RORA: variants seen among roughly 807,000 people sequenced by gnomAD.
RORA encodes RAR related orphan receptor A, also known as nuclear receptor ROR-alpha.
Under a neutral mutation model 69.5 loss-of-function variants are expected in RORA, and 7 were observed. The ratio of observed to expected loss-of-function variants is 0.10; its 90% CI spans 0.06 to 0.19. The LOEUF is 0.19. Among genes scored for constraint, RORA ranks in the 10% least tolerant of loss-of-function variants. The pLI, the probability that RORA is intolerant of heterozygous loss-of-function variation, is 1.00. For synonymous variants in RORA, 261 were observed against 240.8 expected (o/e 1.08, Z -0.78); for missense variants, 457 against 663.0 (o/e 0.69, Z 3.41).
At chr15:61,161,051 C>T (rs528438754) in intron 1 of RORA, among the ~76,000 whole-genome samples, 3 of 152,026 alleles carry the variant, frequency 2.0e-5, no homozygotes, top group African/African-American at 4.8e-5. Context: ...ATTTGGGAGG[C>T]GGAGGGGGTC....
chr15:61,021,727 C>A (rs1895534664), intron 1 of RORA, among the ~76,000 whole-genome samples: 1 of 152,156 alleles, frequency 6.6e-6, no homozygotes, highest in Non-Finnish European at 1.5e-5. Flanking sequence ...ATGGTGAGGG[C>A]AATGATATAA....
rs1596088761 is a variant in RORA, at chr15:61,229,155, C to G, written c.64G>C (p.Ala22Pro). The change falls in exon 1 of 11, where the codon GCG becomes CCG. Residue 22 changes from alanine (A) to proline (P), a missense_variant. By Grantham distance (27) the Ala-to-Pro change is conservative (BLOSUM62 -1). Around this residue, in one of 3 missense-constraint regions of RORA, gnomAD observed 119 missense variants for 92.4 expected, o/e 1.29. Coordinates refer to ENST00000335670, the MANE Select transcript of RORA (RefSeq NM_134261.3). ...GGGGTCTCCCTGGAGCCGGCGGCCGCGTCCGCGCCGCTGCTGCCTGGCTCG... is the reference window on the plus strand; with the variant it reads ...GGGGTCTCCCTGGAGCCGGCGGCCGGGTCCGCGCCGCTGCTGCCTGGCTCG... ...ASEPGSSGADAAAGSRETPLN... is the reference protein window; with the variant it reads ...ASEPGSSGADPAAGSRETPLN... 6.5e-7 allele frequency: 1 copy of G among 1,546,764 alleles called. No individual in the cohort carries two copies. The highest frequency in any genetic ancestry group is 8.7e-7 in the Non-Finnish European group (1 of 1,146,732).
chr15:60,503,744 G>A, intron 6 of RORA, 77 bp from the exon 7 acceptor site: 6 of 1,562,100 alleles, frequency 3.8e-6, no homozygotes, highest in Non-Finnish European at 5.2e-6. Context: ...AGTTATGAAA[G>A]CAAAGCATGC....
chr15:60,869,631 C>G (rs2073530724), intron 1 of RORA, among the ~76,000 whole-genome samples: 1 of 152,202 alleles, frequency 6.6e-6, no homozygotes, highest in Non-Finnish European at 1.5e-5. Context: ...GTATTATAAA[C>G]ATTTGTTAAA....
rs888869577 is a variant in RORA at position 61,036,036 on chromosome 15, A to G, written c.166+193017T>C. On this transcript the variant is annotated intron_variant, in intron 1 of 10. Coordinates refer to ENST00000335670, the MANE Select transcript of RORA (RefSeq NM_134261.3). Reference sequence around the variant, plus strand: ...CAGATGAGCTTTCAAGAGACAGTCTATGCCTTTCAGAGTAGTTTAGGAAAA... The same window carrying G: ...CAGATGAGCTTTCAAGAGACAGTCTGTGCCTTTCAGAGTAGTTTAGGAAAA... Among the ~76,000 whole-genome samples the G allele has an allele frequency of 2.6e-5, 4 of 152,340 alleles. No individual in the cohort carries two copies. In the South Asian group the frequency reaches 8.3e-4, roughly 32 times the overall value.
At chr15:60,823,070 C>CCCTTCCTT (rs200918597) in intron 1 of RORA, among the ~76,000 whole-genome samples, 2 of 135,676 alleles carry the variant, frequency 1.5e-5, no homozygotes, top group East Asian at 4.6e-4. Flanking sequence ...TCCCCTCCCT[C>CCCTTCCTT]CCTTCCTTCC....
intron 1 of RORA, among the ~76,000 whole-genome samples, chr15:60,707,334 T>C (rs1448376194): frequency 7.3e-6 from 1 of 136,080 alleles, no homozygotes; most frequent in South Asian, 2.5e-4. Flanking sequence ...TATTTCTTTA[T>C]TTTATTTATT....
intron 2 of RORA, among the ~76,000 whole-genome samples, chr15:60,544,426 C>T (rs1217046111): frequency 6.6e-6 from 1 of 152,094 alleles, no homozygotes; most frequent in Admixed American, 6.5e-5. Flanking sequence ...AAAGTTCTGG[C>T]AGCTAGAACA....
chr15:60,659,482 A>G (rs1243264926), intron 2 of RORA, among the ~76,000 whole-genome samples: 1 of 152,212 alleles, frequency 6.6e-6, no homozygotes, highest in Non-Finnish European at 1.5e-5. Flanking sequence ...TAATGCTTGC[A>G]CCTTTTCGCT....
At chr15:61,186,835 G>GCCCTGCTTT (rs1386503583) in intron 1 of RORA, among the ~76,000 whole-genome samples, 1 of 152,142 alleles carries the variant, frequency 6.6e-6, no homozygotes, top group Non-Finnish European at 1.5e-5. Flanking sequence ...TGCCCTGCTT[G>GCCCTGCTTT]CCCTTCGGGC....
At chr15:60,803,857 G>A (rs542383295) in intron 1 of RORA, among the ~76,000 whole-genome samples, 3 of 152,206 alleles carry the variant, frequency 2.0e-5, no homozygotes, top group Non-Finnish European at 4.4e-5. Context: ...ATGGAGAATC[G>A]GTACTTACAC....
At chr15:60,506,343 AC>A (rs1179981552) in intron 5 of RORA, among the ~76,000 whole-genome samples, 1 of 152,186 alleles carries the variant, frequency 6.6e-6, no homozygotes, top group Non-Finnish European at 1.5e-5. Flanking sequence ...GGGGAGGATT[AC>A]TTAGAATGTG....
chr15:60,956,657 T>C (rs1314615458), intron 1 of RORA, among the ~76,000 whole-genome samples: 2 of 152,270 alleles, frequency 1.3e-5, no homozygotes, highest in Non-Finnish European at 2.9e-5. Flanking sequence ...CTTAGCAGTA[T>C]ATTAGTTTGT....
intron 1 of RORA, among the ~76,000 whole-genome samples, chr15:60,756,191 A>G (rs953557990): frequency 2.6e-5 from 4 of 152,216 alleles, no homozygotes; most frequent in Admixed American, 6.5e-5. Flanking sequence ...GAATAATTAC[A>G]TATGGTTTTC....
In RORA at chr15:60,556,040, GT is replaced by G. The variant is rs535348636; in HGVS notation, c.197-24190del. On this transcript the variant is annotated intron_variant, in intron 2 of 10. Transcript: ENST00000335670. The stretch of plus-strand genomic sequence containing the variant: ...GGACTTTGCTGACCTATTTTCTGCT[GT>G]TTCTTTCTGTTACACAAATCTCCCC... 7.4e-3 allele frequency among the ~76,000 whole-genome samples: 1,123 copies of G among 152,206 alleles called. 11 individuals carry two copies. The highest frequency in any genetic ancestry group is 0.011 in the Non-Finnish European group (766 of 68,018).
At position 60,872,296 on chromosome 15, in the gene RORA, G is replaced by A. The variant is rs2073566196; in HGVS notation, c.167-193610C>T. Among the ~76,000 whole-genome samples the A allele has an allele frequency of 1.3e-5, 2 of 152,176 alleles. 1 individual carries two copies. Among genetic ancestry groups the A allele is most frequent in the South Asian group, 4.1e-4 (2 of 4,830 alleles). On this transcript the variant is annotated intron_variant, in intron 1 of 10. Transcript: ENST00000335670. ...AGATCATATACAAAGATGCTCTGGA[G>A]AATGCAATGAAAACCTAAAAGGATA...
At chr15:60,499,064 G>A (rs1351730598) in intron 10 of RORA, among the ~76,000 whole-genome samples, 1 of 152,164 alleles carries the variant, frequency 6.6e-6, no homozygotes, top group African/African-American at 2.4e-5. Context: ...GAAAGATAAT[G>A]ATTGGTAAAA....
intron 1 of RORA, among the ~76,000 whole-genome samples, chr15:61,141,638 T>A (rs1394971461): frequency 6.6e-6 from 1 of 152,178 alleles, no homozygotes; most frequent in East Asian, 1.9e-4. Context: ...CAAACAGTAC[T>A]ACGGCTTGAT....
intron 1 of RORA, among the ~76,000 whole-genome samples, chr15:61,163,389 G>T (rs1163824747): frequency 6.6e-6 from 1 of 152,150 alleles, no homozygotes; most frequent in Non-Finnish European, 1.5e-5. Context: ...TCAGAGGCAA[G>T]TCAGTTTTCC....
Sources: allele counts gnomAD v4.1 joint callset (sites outside exome capture counted in the v4.1 genomes callset), GRCh38; gene constraint gnomAD v4.1.1; regional missense constraint gnomAD v4.1.1; transcripts MANE v1.5; gene names NCBI Gene and HGNC (gene_info 2026-07-23, HGNC 2026-07-21).